Variants in POM121C observed in about 807,000 individuals in gnomAD.
POM121C encodes the protein nuclear envelope pore membrane protein POM 121C.
Under a neutral mutation model 66.4 loss-of-function variants are expected in POM121C, and 20 were observed. The observed-to-expected ratio is 0.30, with a 90% CI of 0.21 to 0.44. POM121C has a LOEUF of 0.44. Among genes scored for constraint, POM121C ranks in the 20% least tolerant of loss-of-function variants. POM121C has a pLI of 1.00. For synonymous variants in POM121C, 286 were observed against 528.0 expected (o/e 0.54, Z 6.28); for missense variants, 580 against 1,225.7 (o/e 0.47, Z 7.87).
rs185161973 is a variant in POM121C, at chr7:75,474,641, C to G, written c.-152+63G>C. ...GGGTACCGAATACATATAAACAACTCTTTAGTCACTCCCAAAGGTCTGGGA... is the reference window on the plus strand; with the variant it reads ...GGGTACCGAATACATATAAACAACTGTTTAGTCACTCCCAAAGGTCTGGGA... On this transcript the variant is annotated intron_variant, in intron 3 of 14. Transcript: ENST00000615331. 4.9e-3 allele frequency: 3,097 copies of G among 631,306 alleles called. 81 individuals carry two copies. The highest frequency in any genetic ancestry group is 0.048 in the African/African-American group (2,607 of 54,358). The allele number at this position is 631,306 out of a possible 1,614,324, so 39.1% of individuals were successfully genotyped here.
At chr7:75,429,320 T>C (rs781865047) in intron 7 of POM121C, among the ~76,000 whole-genome samples, 4 of 152,338 alleles carry the variant, frequency 2.6e-5, no homozygotes, top group African/African-American at 4.8e-5. Context: ...GAAGACACTA[T>C]TTATAATAGC....
At chr7:75,456,574 A>G (rs1242538572) in intron 3 of POM121C, among the ~76,000 whole-genome samples, 2 of 152,244 alleles carry the variant, frequency 1.3e-5, no homozygotes, top group Admixed American at 6.5e-5. Flanking sequence ...GCAAAGGCAC[A>G]GTGGCTGCGG....
intron 13 of POM121C, chr7:75,421,212 G>C (rs1384855057): frequency 1.3e-6 from 1 of 795,838 alleles, no homozygotes; most frequent in African/African-American, 1.8e-5. Flanking sequence ...CTGTCCTCAA[G>C]TGATCCACCC....
chr7:75,439,883 A>ATT lies in POM121C; in HGVS notation c.228-661_228-660dup, dbSNP rs59967197. 6.1e-3 allele frequency among the ~76,000 whole-genome samples: 844 copies of ATT among 138,730 alleles called. 4 individuals are homozygous for ATT. Among genetic ancestry groups the ATT allele is most frequent in the Middle Eastern group, 0.011 (3 of 266 alleles). The allele number at this position is 138,730 out of a possible 152,430, so 91.0% of individuals were successfully genotyped here. A position where few individuals can be genotyped will look rare whatever the true frequency, so the allele number is the denominator to read the frequency against. On this transcript the variant is annotated intron_variant, in intron 5 of 14. Transcript: ENST00000615331. ...GGTTATTTTACAAACCACATAAGGA[A>ATT]TTTTTTTTTTTTTTTTTGAGACAGT... is the stretch of plus-strand genomic sequence containing the variant.
chr7:75,461,933 G>A (rs1202101269), intron 3 of POM121C, among the ~76,000 whole-genome samples: 2 of 149,260 alleles, frequency 1.3e-5, no homozygotes, highest in Non-Finnish European at 3.0e-5. Context: ...ATGTTGACTG[G>A]TATCAGCAAA....
intron 1 of POM121C, among the ~76,000 whole-genome samples, chr7:75,481,982 G>C (rs782031468): frequency 1.3e-4 from 20 of 151,920 alleles, no homozygotes; most frequent in Non-Finnish European, 2.4e-4. Flanking sequence ...AAGGTAACAC[G>C]TGCCTCCAGA....
In POM121C at chr7:75,419,374, A is replaced by G. The variant is rs201815017; in HGVS notation, c.2812T>C (p.Ser938Pro). Residue 938 changes from serine to proline, a missense_variant, in exon 14 of 15, where the codon TCC becomes CCC. Transcript: ENST00000615331. ...PGVGTSGSSL[S>P]FGASSAPAQG... ...GCGGGTGCTGAAGATGCCCCAAAGG[A>G]GAGGCTGCTGCCCGATGTGCCCACT... The G allele has an allele frequency of 3.3e-4, 534 of 1,613,758 alleles. 1 individual carries two copies. The highest frequency in any genetic ancestry group is 6.7e-4 in the Admixed American group (40 of 59,988).
At chr7:75,428,259 C>T (rs1294926058) in intron 7 of POM121C, among the ~76,000 whole-genome samples, 7 of 152,176 alleles carry the variant, frequency 4.6e-5, no homozygotes, top group Non-Finnish European at 1.0e-4. Flanking sequence ...CCTGCCTCAG[C>T]CTCCTGAGTA....
intron 1 of POM121C, among the ~76,000 whole-genome samples, chr7:75,476,296 A>G (rs1792073275): frequency 1.3e-5 from 2 of 151,650 alleles, no homozygotes; most frequent in Non-Finnish European, 2.9e-5. Context: ...GTCTCAAAAA[A>G]AAAAAAAAAA....
rs370436470 is a variant in POM121C at position 75,461,310 on chromosome 7, C to T, written c.-152+13394G>A. On this transcript the variant is annotated intron_variant, in intron 3 of 14. Transcript: ENST00000615331. ...CAATACAATAACTGAACACCATCAT[C>T]GACCAATGGAACCTAACTGACATTT... Among the ~76,000 whole-genome samples the T allele has an allele frequency of 6.4e-4, 97 of 152,248 alleles. 1 individual carries two copies. The East Asian group carries it at 0.014, about 22-fold the overall frequency.
At chr7:75,449,960 G>A (rs1190676997) in intron 3 of POM121C, among the ~76,000 whole-genome samples, 1 of 152,156 alleles carries the variant, frequency 6.6e-6, no homozygotes, top group Non-Finnish European at 1.5e-5. Flanking sequence ...GGTTGAGTGA[G>A]CCGAGATCGT....
chr7:75,458,784 A>G (rs587692124), intron 3 of POM121C, among the ~76,000 whole-genome samples: 8 of 152,310 alleles, frequency 5.3e-5, no homozygotes, highest in African/African-American at 1.9e-4. Context: ...ACTAAGAACC[A>G]GAAAAATCCG....
chr7:75,476,390 C>T (rs1792077924), intron 1 of POM121C, among the ~76,000 whole-genome samples: 2 of 152,100 alleles, frequency 1.3e-5, no homozygotes, highest in African/African-American at 2.4e-5. Context: ...AGCCAGCATG[C>T]CCTGCCCAAA....
At chr7:75,450,836 C>G (rs1460871660) in intron 3 of POM121C, among the ~76,000 whole-genome samples, 1 of 152,196 alleles carries the variant, frequency 6.6e-6, no homozygotes, top group East Asian at 1.9e-4. Flanking sequence ...TTCAAATGTC[C>G]GTGTTTCAAT....
At chr7:75,440,437 G>A (rs1425326296) in intron 5 of POM121C, among the ~76,000 whole-genome samples, 3 of 151,612 alleles carry the variant, frequency 2.0e-5, no homozygotes, top group Non-Finnish European at 4.4e-5. Flanking sequence ...GCATGGTGGC[G>A]GGCGCCTGTA....
At chr7:75,480,137 TTAGATA>T (rs1489751392) in intron 1 of POM121C, among the ~76,000 whole-genome samples, 6 of 148,416 alleles carry the variant, frequency 4.0e-5, no homozygotes, top group Non-Finnish European at 8.9e-5. Context: ...AAATAATACT[TTAGATA>T]TAAAGATGCA....
intron 7 of POM121C, among the ~76,000 whole-genome samples, chr7:75,427,608 A>G (rs2116351261): frequency 6.6e-6 from 1 of 151,532 alleles, no homozygotes; most frequent in Middle Eastern, 3.4e-3. Flanking sequence ...TCCTCCACAG[A>G]CCAGCAGCAA....
chr7:75,424,216 G>C lies in POM121C; in HGVS notation c.881C>G (p.Ser294Trp), dbSNP rs113744930. 6.2e-7 allele frequency: 1 copy of C among 1,611,516 alleles called. No individual in the cohort carries two copies. The highest frequency in any genetic ancestry group is 1.3e-5 in the African/African-American group (1 of 74,700). Residue 294 changes from serine (S) to tryptophan (W), a missense_variant, in exon 12 of 15, where the codon TCG (serine) becomes TGG (tryptophan). By Grantham distance (177) the Ser-to-Trp change is radical. Transcript: ENST00000615331. ...QALEDKSDAA[S>W]NSVTETPPTT... The stretch of plus-strand genomic sequence containing the variant: ...AGGTGGGGTCTCAGTGACAGAGTTC[G>C]AGGCAGCATCTAAGAAAGAAAGAAA...
At chr7:75,475,015 T>G (rs1470430970) in intron 2 of POM121C, 47 bp downstream of exon 2, 23 of 1,458,078 alleles carry the variant, frequency 1.6e-5, no homozygotes, top group Non-Finnish European at 2.2e-5. Context: ...AACTCAAGCA[T>G]AAAACCCCAT....
Sources: allele counts gnomAD v4.1 joint callset (sites outside exome capture counted in the v4.1 genomes callset), GRCh38; gene constraint gnomAD v4.1.1; transcripts MANE v1.5; gene names NCBI Gene and HGNC (gene_info 2026-07-23, HGNC 2026-07-21).